The following CUL3 variants were observed in gnomAD, a reference collection of about 807,000 sequenced individuals.
CUL3 encodes the protein cullin-3.
In CUL3, 19 loss-of-function variants were observed where a neutral mutation model predicts 89.1. The ratio of observed to expected loss-of-function variants is 0.21; its 90% CI spans 0.15 to 0.31. CUL3 has a LOEUF of 0.31. Among genes scored for constraint, CUL3 ranks in the 10% least tolerant of loss-of-function variants. The pLI is 1.00. For synonymous variants in CUL3, 351 were observed against 308.4 expected, an observed-to-expected ratio of 1.14 and a Z score of -1.45; for missense variants, 469 against 942.3, an observed-to-expected ratio of 0.50 and a Z score of 6.58.
chr2:224,564,966 C>G (rs1695005310), intron 1 of CUL3, among the ~76,000 whole-genome samples: 1 of 152,150 alleles, frequency 6.6e-6, no homozygotes, highest in Non-Finnish European at 1.5e-5. Context: ...TCCTTCTTAT[C>G]CAATCATCAA....
At position 224,512,220 on chromosome 2, in the gene CUL3, C is replaced by T. The variant is rs543235967; in HGVS notation, c.655-638G>A. On this transcript the variant is annotated intron_variant, in intron 5 of 15. Transcript: ENST00000264414. Reference sequence around the variant, plus strand: ...ACACCATTCTCCTGCCTCAGCCTCCCGAGTAGCTGGGACTACAGGCGCCCG... The same window carrying T: ...ACACCATTCTCCTGCCTCAGCCTCCTGAGTAGCTGGGACTACAGGCGCCCG... Among the ~76,000 whole-genome samples, 21 of 152,108 alleles carry T rather than the reference C, an allele frequency of 1.4e-4. No homozygotes were observed. The South Asian group carries it at 3.9e-3, about 29-fold the overall frequency.
intron 6 of CUL3, among the ~76,000 whole-genome samples, chr2:224,507,446 A>C: frequency 6.6e-6 from 1 of 152,192 alleles, no homozygotes; most frequent in East Asian, 1.9e-4. Context: ...GTAATGAGGA[A>C]GAAATTTTAA....
intron 2 of CUL3, among the ~76,000 whole-genome samples, chr2:224,551,711 G>A (rs2106293804): frequency 6.6e-6 from 1 of 152,216 alleles, no homozygotes; most frequent in Admixed American, 6.5e-5. Context: ...TTGGTCTGTT[G>A]CTGCTTTTGT....
Position 224,487,756 on chromosome 2 carries a change from A to T in CUL3, c.1843-5678T>A, listed in dbSNP as rs1363597079. 5.3e-5 allele frequency among the ~76,000 whole-genome samples: 8 copies of T among 152,010 alleles called. No individual in the cohort carries two copies. In the East Asian group the frequency reaches 1.4e-3, roughly 26 times the overall value. ...TGAACTCAGCTCTCGACTAACAGAC[A>T]TCTATAGAACTCTCCATCCCACATC... is the stretch of plus-strand genomic sequence containing the variant. On this transcript the variant is annotated intron_variant, in intron 13 of 15. Transcript: ENST00000264414.
At chr2:224,510,975 G>A (rs1692802701) in intron 6 of CUL3, among the ~76,000 whole-genome samples, 1 of 152,068 alleles carries the variant, frequency 6.6e-6, no homozygotes, top group Non-Finnish European at 1.5e-5. Context: ...GGAAACTTAA[G>A]GTTTTAAGAG....
rs2106221059 is a variant in CUL3, at chr2:224,513,619, A to G, written c.559T>C (p.Cys187Arg). Residue 187 changes from cysteine (C) to arginine (R), a missense_variant, in exon 5 of 16, where the codon TGC becomes CGC. Coordinates refer to ENST00000264414, the MANE Select transcript of CUL3 (RefSeq NM_003590.5). Reference protein sequence around the residue: ...VVDRGAIRNACQMLMILGLEG... With the variant: ...VVDRGAIRNARQMLMILGLEG... Reference sequence around the variant, plus strand: ...AGACCTAAAATCATTAACATCTGGCAAGCATTTCTTATTGCGCCTCTGTCG... The same window carrying G: ...AGACCTAAAATCATTAACATCTGGCGAGCATTTCTTATTGCGCCTCTGTCG... 2 of 1,594,490 alleles carry G rather than the reference A, an allele frequency of 1.3e-6. No individual in the cohort carries two copies. The highest frequency in any genetic ancestry group is 1.7e-6 in the Non-Finnish European group (2 of 1,174,836).
intron 2 of CUL3, 64 bp from the exon 3 acceptor site, chr2:224,535,705 C>T: frequency 1.1e-5 from 10 of 904,518 alleles, no homozygotes; most frequent in Non-Finnish European, 1.8e-5. Flanking sequence ...TACAGGCATG[C>T]ACATATCTGT....
chr2:224,583,375 A>C (rs2106329624), intron 1 of CUL3, among the ~76,000 whole-genome samples: 1 of 152,290 alleles, frequency 6.6e-6, no homozygotes, highest in Middle Eastern at 3.4e-3. Flanking sequence ...AAAAAAAGAA[A>C]ATCTGTTGTA....
At chr2:224,520,126 A>G (rs1693208043) in intron 3 of CUL3, among the ~76,000 whole-genome samples, 1 of 152,218 alleles carries the variant, frequency 6.6e-6, no homozygotes, top group Non-Finnish European at 1.5e-5. Flanking sequence ...TAAATATAAA[A>G]TGTTCTGAAA....
At position 224,470,869 on chromosome 2, in the gene CUL3, T is replaced by C. The variant is rs1188203242; in HGVS notation, c.*3376A>G. Reference sequence around the variant, plus strand: ...CAAAATAAATGAAAATTTTTTAATATGGAAAATCATGTCAATTTGTAACAT... The same window carrying C: ...CAAAATAAATGAAAATTTTTTAATACGGAAAATCATGTCAATTTGTAACAT... On this transcript the variant is annotated 3_prime_UTR_variant, in exon 16 of 16. Coordinates refer to ENST00000264414, the MANE Select transcript of CUL3 (RefSeq NM_003590.5). 1.3e-5 allele frequency: 3 copies of C among 230,076 alleles called. No individual in the cohort carries two copies. The highest frequency in any genetic ancestry group is 6.6e-5 in the African/African-American group (3 of 45,196). The allele number at this position is 230,076 out of a possible 1,614,324, so 14.3% of individuals were successfully genotyped here.
chr2:224,493,403 C>A (rs940316), intron 13 of CUL3, among the ~76,000 whole-genome samples: 27,928 of 152,142 alleles, frequency 0.18, 2,885 homozygotes, highest in South Asian at 0.27. Context: ...AGTAAAGACA[C>A]ATTTCTTGTG....
intron 3 of CUL3, among the ~76,000 whole-genome samples, chr2:224,516,440 G>C (rs933173061): frequency 6.8e-6 from 1 of 147,618 alleles, no homozygotes; most frequent in African/African-American, 2.5e-5. Context: ...CCTCAGCCTC[G>C]TGAGTACCTG....
chr2:224,525,994 T>C (rs913165319), intron 3 of CUL3, among the ~76,000 whole-genome samples: 8 of 152,258 alleles, frequency 5.3e-5, no homozygotes, highest in Non-Finnish European at 1.0e-4. Flanking sequence ...GTATGTGTTC[T>C]ATGGTATGTG....
intron 3 of CUL3, among the ~76,000 whole-genome samples, chr2:224,526,123 G>C (rs1021457773): frequency 3.3e-5 from 5 of 152,150 alleles, no homozygotes; most frequent in Non-Finnish European, 5.9e-5. Flanking sequence ...TTACAGATAA[G>C]AAAACAAGAG....
intron 2 of CUL3, among the ~76,000 whole-genome samples, chr2:224,549,224 C>T (rs1255003358): frequency 1.3e-5 from 2 of 151,238 alleles, no homozygotes; most frequent in African/African-American, 2.4e-5. Flanking sequence ...GGCTGAGGCA[C>T]GAGATTTGCT....
At chr2:224,537,818 C>T (rs1212692187) in intron 2 of CUL3, among the ~76,000 whole-genome samples, 1 of 152,052 alleles carries the variant, frequency 6.6e-6, no homozygotes, top group Non-Finnish European at 1.5e-5. Flanking sequence ...ATTAAAATCA[C>T]CCTGAATTTG....
chr2:224,567,162 C>T (rs1695061622), intron 1 of CUL3, among the ~76,000 whole-genome samples: 2 of 152,148 alleles, frequency 1.3e-5, no homozygotes, highest in South Asian at 2.1e-4. Context: ...CTTTTTACTA[C>T]ACTACAGAGA....
At chr2:224,550,095 T>C (rs993361381) in intron 2 of CUL3, among the ~76,000 whole-genome samples, 6 of 152,328 alleles carry the variant, frequency 3.9e-5, no homozygotes, top group African/African-American at 1.4e-4. Context: ...CTCTGTGACT[T>C]CATTTACTTC....
intron 3 of CUL3, among the ~76,000 whole-genome samples, chr2:224,521,484 G>A (rs1486270424): frequency 6.7e-6 from 1 of 150,218 alleles, no homozygotes; most frequent in African/African-American, 2.5e-5. Flanking sequence ...AGGCTGGAGT[G>A]CAGTGGCACG....
Sources: allele counts gnomAD v4.1 joint callset (sites outside exome capture counted in the v4.1 genomes callset), GRCh38; gene constraint gnomAD v4.1.1; transcripts MANE v1.5; gene names NCBI Gene and HGNC (gene_info 2026-07-23, HGNC 2026-07-21).